IKBKB: variants seen among roughly 807,000 people sequenced by gnomAD.
IKBKB encodes inhibitor of nuclear factor kappa-B kinase subunit beta.
Under a neutral mutation model 113.6 loss-of-function variants are expected in IKBKB, and 42 were observed. The ratio of observed to expected loss-of-function variants is 0.37; its 90% CI spans 0.29 to 0.48. The LOEUF (loss-of-function observed/expected upper bound fraction) is 0.48, where lower values mean the gene tolerates loss of function less well. IKBKB is among the 20% of genes least tolerant of loss of function. The probability of loss-of-function intolerance (pLI) is 0.99; values close to 1 mark genes in which losing one functional copy is unlikely to be tolerated. For missense variants in IKBKB, 673 were observed against 939.7 expected (o/e 0.72, Z 3.71); for synonymous variants, 296 against 361.3 (o/e 0.82, Z 2.05).
intron 6 of IKBKB, 72 bp from the exon 7 acceptor site, chr8:42,306,271 A>G: frequency 1.1e-6 from 1 of 945,222 alleles, no homozygotes; most frequent in Non-Finnish European, 1.7e-6. Context: ...CTCTAACACC[A>G]GGCAGTCAGA....
Position 42,314,264 on chromosome 8 carries a change from A to G in IKBKB, c.693-58A>G, listed in dbSNP as rs867304661. Reference sequence around the variant, plus strand: ...AAAATCACCTAATGACGAATTTCTTAGAATGTGTCCCCGTCATAGCAACGT... The same window carrying G: ...AAAATCACCTAATGACGAATTTCTTGGAATGTGTCCCCGTCATAGCAACGT... On this transcript the variant is annotated intron_variant, in intron 8 of 21. Coordinates refer to ENST00000520810, the MANE Select transcript of IKBKB (RefSeq NM_001556.3). 3.6e-5 allele frequency: 43 copies of G among 1,204,160 alleles called. 1 individual carries two copies. In the Middle Eastern group the frequency reaches 3.4e-3, roughly 95 times the overall value. 74.6% of individuals were successfully genotyped at this position (1,204,160 alleles called of 1,614,324 possible). A position where few individuals can be genotyped will look rare whatever the true frequency, so the allele number is the denominator to read the frequency against.
intron 5 of IKBKB, among the ~76,000 whole-genome samples, chr8:42,294,590 T>C (rs987170524): frequency 3.9e-5 from 6 of 152,198 alleles, no homozygotes; most frequent in African/African-American, 1.4e-4. Flanking sequence ...AGCAATGACA[T>C]ATTTAAGGTT....
chr8:42,320,266 A>G (rs185477684), intron 15 of IKBKB: 85 of 166,484 alleles, frequency 5.1e-4, no homozygotes, highest in Non-Finnish European at 8.5e-4. Flanking sequence ...TGTGTGTTTA[A>G]TGGTGAATAT....
chr8:42,318,243 CAA>C (rs1364751772), intron 12 of IKBKB, among the ~76,000 whole-genome samples: 1 of 147,812 alleles, frequency 6.8e-6, no homozygotes, highest in Non-Finnish European at 1.5e-5. Flanking sequence ...GCCTGGGTGA[CAA>C]GAGCGAGACC....
intron 2 of IKBKB, among the ~76,000 whole-genome samples, chr8:42,276,473 A>G (rs1289777495): frequency 1.3e-5 from 2 of 152,170 alleles, no homozygotes; most frequent in Admixed American, 1.3e-4. Flanking sequence ...AGTTCCTTGC[A>G]TATTCTTGAT....
chr8:42,301,562 A>G (rs770878395), intron 5 of IKBKB, among the ~76,000 whole-genome samples: 3 of 152,236 alleles, frequency 2.0e-5, no homozygotes, highest in Non-Finnish European at 2.9e-5. Context: ...TCAGTCCCAG[A>G]AACTATGTGT....
At chr8:42,314,510 C>T (rs1818305545) in intron 9 of IKBKB, 81 bp downstream of exon 9, 4 of 905,328 alleles carry the variant, frequency 4.4e-6, no homozygotes, top group Admixed American at 1.7e-5. Flanking sequence ...CGTGGTGGCT[C>T]ACACCTGTAA....
rs1585747711 is a variant in IKBKB at position 42,314,381 on chromosome 8, G to C, written c.752G>C (p.Gly251Ala). ...VDIVVSEDLN[G>A]TVKFSSSLPY... ...ATTGTTGTTAGCGAAGACTTGAATG[G>C]AACGGTGAAGTTTTCAAGCTCTTTA... is the stretch of plus-strand genomic sequence containing the variant. The change falls in exon 9 of 22, where the codon GGA becomes GCA. Residue 251 changes from glycine (G) to alanine (A), a missense_variant. Transcript: ENST00000520810. 4 of 1,613,978 alleles carry C rather than the reference G, an allele frequency of 2.5e-6. No homozygotes were observed. The East Asian group carries it at 8.9e-5, about 36-fold the overall frequency.
chr8:42,293,860 G>C (rs1813164476), intron 5 of IKBKB, among the ~76,000 whole-genome samples: 1 of 152,188 alleles, frequency 6.6e-6, no homozygotes, highest in African/African-American at 2.4e-5. Flanking sequence ...TTGTCCCTTG[G>C]CAGTGAATTT....
rs1026892433 is a variant in IKBKB at position 42,322,440 on chromosome 8, C to T, written c.1932C>T (p.Val644=). The T allele has an allele frequency of 6.2e-7, 1 of 1,613,840 alleles. No homozygotes were observed. The highest frequency in any genetic ancestry group is 1.3e-5 in the African/African-American group (1 of 74,834). Residue 644 remains valine (V), a synonymous_variant, in exon 19 of 22, where the codon GTC becomes GTT. Coordinates refer to ENST00000520810, the MANE Select transcript of IKBKB (RefSeq NM_001556.3). ...TGAATGAGGATGAGAAGACTGTTGTCCGGCTGCAGGAGAAGCGGCAGAAGG... is the reference window on the plus strand; with the variant it reads ...TGAATGAGGATGAGAAGACTGTTGTTCGGCTGCAGGAGAAGCGGCAGAAGG... ...SLMNEDEKTV[V]RLQEKRQKEL...
intron 7 of IKBKB, 65 bp downstream of exon 7, chr8:42,306,497 T>G: frequency 2.9e-6 from 3 of 1,042,024 alleles, no homozygotes; most frequent in South Asian, 1.3e-5. Flanking sequence ...GTGGGGCTCC[T>G]GTCCTGCCTT....
intron 5 of IKBKB, chr8:42,298,011 C>A: frequency 1.2e-6 from 1 of 808,708 alleles, no homozygotes; most frequent in Non-Finnish European, 1.5e-6. Context: ...AGACCTGGGA[C>A]CCATGTGGAG....
In IKBKB at chr8:42,330,214, A is replaced by G. The variant is rs548788679; in HGVS notation, c.2206-700A>G. ...CTGACGTCGACTTTCTAATTCCCAC[A>G]GTCACAGAATCTCAAGGACTCTGAG... is the stretch of plus-strand genomic sequence containing the variant. On this transcript the variant is annotated intron_variant, in intron 21 of 21. Transcript: ENST00000520810. 1.6e-5 allele frequency: 16 copies of G among 985,428 alleles called. No homozygotes were observed. In the South Asian group the frequency reaches 7.0e-4, roughly 43 times the overall value. The allele number at this position is 985,428 out of a possible 1,614,324, so 61.0% of individuals were successfully genotyped here.
At chr8:42,300,105 A>G (rs1437768346) in intron 5 of IKBKB, among the ~76,000 whole-genome samples, 5 of 152,154 alleles carry the variant, frequency 3.3e-5, no homozygotes, top group African/African-American at 7.2e-5. Context: ...TTGGCACCCA[A>G]CGTTACTGCC....
intron 8 of IKBKB, among the ~76,000 whole-genome samples, chr8:42,312,151 G>C (rs1817832922): frequency 6.6e-6 from 1 of 152,236 alleles, no homozygotes; most frequent in African/African-American, 2.4e-5. Flanking sequence ...CTCCCAAAGT[G>C]CTGGGATTAC....
intron 3 of IKBKB, 94 bp downstream of exon 3, chr8:42,288,822 G>T: frequency 3.0e-6 from 3 of 984,166 alleles, no homozygotes; most frequent in Non-Finnish European, 4.6e-6. Context: ...CGTGGCTCAC[G>T]CCTGTAATCC....
Position 42,313,172 on chromosome 8 carries a change from C to T in IKBKB, c.693-1150C>T, listed in dbSNP as rs1028941671. On this transcript the variant is annotated intron_variant, in intron 8 of 21. Coordinates refer to ENST00000520810, the MANE Select transcript of IKBKB (RefSeq NM_001556.3). ...TTGTATGTAGATTATTTTTACTGGC[C>T]GGGCACTGTGGCTTACCCCTATAAT... Among the ~76,000 whole-genome samples the T allele has an allele frequency of 5.3e-5, 8 of 152,234 alleles. No homozygotes were observed. In the South Asian group the frequency reaches 6.2e-4, roughly 12 times the overall value.
chr8:42,276,733 T>C (rs1042956760), intron 2 of IKBKB, among the ~76,000 whole-genome samples: 53 of 151,498 alleles, frequency 3.5e-4, no homozygotes, highest in Admixed American at 6.6e-4. Context: ...TTTGAGACAG[T>C]CTCACTCTCA....
Position 42,305,275 on chromosome 8 carries a change from G to A in IKBKB, c.477G>A (p.Arg159=). 6.2e-7 allele frequency: 1 copy of A among 1,604,870 alleles called. No individual in the cohort carries two copies. The highest frequency in any genetic ancestry group is 8.5e-7 in the Non-Finnish European group (1 of 1,171,782). Residue 159 remains arginine (R), a splice_region_variant and synonymous_variant, in exon 6 of 22, where the codon AGG becomes AGA. Coordinates refer to ENST00000520810, the MANE Select transcript of IKBKB (RefSeq NM_001556.3). ...TCGTCCTGCAGCAAGGAGAACAGAGGGTAAGTGACCTCCTGGGACTGGGAA... is the reference window on the plus strand; with the variant it reads ...TCGTCCTGCAGCAAGGAGAACAGAGAGTAAGTGACCTCCTGGGACTGGGAA... ...ENIVLQQGEQ[R]LIHKIIDLGY... is the part of the protein sequence containing the mutation.
Sources: allele counts gnomAD v4.1 joint callset (sites outside exome capture counted in the v4.1 genomes callset), GRCh38; gene constraint gnomAD v4.1.1; transcripts MANE v1.5; gene names NCBI Gene and HGNC (gene_info 2026-07-23, HGNC 2026-07-21).